COL21A1: variants seen among roughly 807,000 people sequenced by gnomAD.
COL21A1 encodes collagen alpha-1(XXI) chain.
In COL21A1, 149 loss-of-function variants were observed where a neutral mutation model predicts 137.9. That is an observed-to-expected ratio of 1.08 (90% CI 0.95 to 1.24). The LOEUF (loss-of-function observed/expected upper bound fraction) is 1.24. COL21A1 is among the 50% of genes most tolerant of loss of function. The pLI, the probability that COL21A1 is intolerant of heterozygous loss-of-function variation, is 0.00. For missense variants in COL21A1, 1,167 were observed against 1,158.4 expected, an observed-to-expected ratio of 1.01 and a Z score of -0.11; for synonymous variants, 456 against 391.5, an observed-to-expected ratio of 1.16 and a Z score of -1.95.
Position 56,333,148 on chromosome 6 carries a change from CAT to C in COL21A1, c.-39+60821_-39+60822del, listed in dbSNP as rs574538711. On this transcript the variant is annotated intron_variant, in intron 1 of 28. Coordinates refer to the COL21A1 transcript ENST00000370819. Reference sequence around the variant, plus strand: ...TATAACTGACATACAATAAACTACACATGTTTAAAGAATGCAATTTGATAAGT... The same window carrying C: ...TATAACTGACATACAATAAACTACACGTTTAAAGAATGCAATTTGATAAGT... Among the ~76,000 whole-genome samples, 534 of 152,140 alleles carry C rather than the reference CAT, an allele frequency of 3.5e-3. 5 individuals are homozygous for C. Among genetic ancestry groups the C allele is most frequent in the Admixed American group, 3.7e-3 (57 of 15,258 alleles).
rs528748886 is a variant in COL21A1, at chr6:56,382,092, G to C, written c.-39+11879C>G. On this transcript the variant is annotated intron_variant, in intron 1 of 28. Transcript: ENST00000370819. Reference sequence around the variant, plus strand: ...CAAGGGTTCGATTTTACCACCACTAGGGCAGTAAATAGGTCACGCCTGTCA... The same window carrying C: ...CAAGGGTTCGATTTTACCACCACTACGGCAGTAAATAGGTCACGCCTGTCA... Among the ~76,000 whole-genome samples the C allele has an allele frequency of 5.3e-5, 8 of 152,270 alleles. No individual in the cohort carries two copies. In the South Asian group the frequency reaches 1.7e-3, roughly 32 times the overall value.
chr6:56,337,658 A>AGAT (rs1426683773), intron 1 of COL21A1, among the ~76,000 whole-genome samples: 17 of 152,336 alleles, frequency 1.1e-4, no homozygotes, highest in African/African-American at 3.8e-4. Context: ...ATTCTAGTGA[A>AGAT]GATAAAATGG....
In COL21A1 at chr6:56,162,508, G is replaced by A. The variant is rs373048552; in HGVS notation, c.1371+1915C>T. On this transcript the variant is annotated intron_variant, in intron 9 of 29. Transcript: ENST00000244728. ...GTAGAAAGTACATGAGTAAAAATAG[G>A]TGACACTACAAGACATCTATTGGAC... 6.2e-4 allele frequency among the ~76,000 whole-genome samples: 95 copies of A among 152,258 alleles called. 1 individual carries two copies. In the South Asian group the frequency reaches 0.019, roughly 31 times the overall value.
intron 28 of COL21A1, 32 bp from the exon 29 acceptor site, chr6:56,059,274 C>T (rs529788496): frequency 7.1e-7 from 1 of 1,404,450 alleles, no homozygotes; most frequent in East Asian, 2.3e-5. Context: ...AGTAAGTTTA[C>T]TTAAAATCAC....
rs143972446 is a variant in COL21A1 at position 56,204,061 on chromosome 6, C to T, written c.-38-21405G>A. On this transcript the variant is annotated intron_variant, in intron 1 of 29. Coordinates refer to ENST00000244728, the MANE Select transcript of COL21A1 (RefSeq NM_030820.4). ...GGTGGCCGTTTGGGCAGATACCCCA[C>T]TAGCTGTGGAGTTTTTTTGTTTGTT... 3.6e-3 allele frequency among the ~76,000 whole-genome samples: 553 copies of T among 152,246 alleles called. 6 individuals are homozygous for T. The highest frequency in any genetic ancestry group is 0.013 in the African/African-American group (523 of 41,544).
intron 16 of COL21A1, among the ~76,000 whole-genome samples, chr6:56,113,443 A>G (rs1482501860): frequency 6.6e-6 from 1 of 151,294 alleles, no homozygotes; most frequent in African/African-American, 2.4e-5. Context: ...CATTTCTGAC[A>G]TTTCTAGACA....
chr6:56,142,694 A>G (rs762922632), intron 10 of COL21A1, among the ~76,000 whole-genome samples: 5 of 152,190 alleles, frequency 3.3e-5, no homozygotes, highest in Non-Finnish European at 5.9e-5. Context: ...GTAGGCTCTA[A>G]ACATTTATCT....
intron 18 of COL21A1, among the ~76,000 whole-genome samples, chr6:56,076,107 G>C (rs1373253972): frequency 6.6e-6 from 1 of 151,426 alleles, no homozygotes; most frequent in African/African-American, 2.4e-5. Context: ...CAGAAACCAT[G>C]CCAGAGACAG....
chr6:56,072,650 C>T (rs1766859164), intron 20 of COL21A1, among the ~76,000 whole-genome samples: 1 of 151,368 alleles, frequency 6.6e-6, no homozygotes. Context: ...CACCCCATAC[C>T]CATTTGATTA....
At chr6:56,240,291 A>G (rs1782211247) in intron 1 of COL21A1, among the ~76,000 whole-genome samples, 1 of 152,050 alleles carries the variant, frequency 6.6e-6, no homozygotes, top group Non-Finnish European at 1.5e-5. Flanking sequence ...TTAGTCTTCC[A>G]CCATGTGAGG....
chr6:56,309,032 A>T (rs1241202303), intron 1 of COL21A1, among the ~76,000 whole-genome samples: 1 of 148,444 alleles, frequency 6.7e-6, no homozygotes, highest in Non-Finnish European at 1.5e-5. Context: ...AATCACGCTC[A>T]GTCCTCAATT....
intron 1 of COL21A1, among the ~76,000 whole-genome samples, chr6:56,223,056 T>C (rs1277776753): frequency 1.4e-5 from 2 of 145,362 alleles, no homozygotes; most frequent in Admixed American, 6.9e-5. Context: ...AAAAAAAAAA[T>C]TGGAATCCCT....
chr6:56,206,032 C>G (rs536435254), intron 1 of COL21A1, among the ~76,000 whole-genome samples: 2 of 152,226 alleles, frequency 1.3e-5, no homozygotes, highest in South Asian at 2.1e-4. Flanking sequence ...CAAAAACAAA[C>G]CAAATTGTAA....
intron 1 of COL21A1, among the ~76,000 whole-genome samples, chr6:56,278,367 T>G (rs1763717020): frequency 6.6e-6 from 1 of 152,064 alleles, no homozygotes; most frequent in Non-Finnish European, 1.5e-5. Flanking sequence ...GAGCAAAAGG[T>G]TTGACAGTAG....
chr6:56,231,534 TA>T (rs1039467038), intron 1 of COL21A1, among the ~76,000 whole-genome samples: 2 of 151,854 alleles, frequency 1.3e-5, no homozygotes, highest in Non-Finnish European at 2.9e-5. Flanking sequence ...ATCTCCTCTG[TA>T]AAACCAGGGG....
chr6:56,082,196 A>G (rs1361087501), intron 17 of COL21A1, among the ~76,000 whole-genome samples: 1 of 151,964 alleles, frequency 6.6e-6, no homozygotes, highest in African/African-American at 2.4e-5. Context: ...AAGGGAAAGG[A>G]TTAAGAGATC....
At chr6:56,358,843 G>T (rs1398447861) in intron 1 of COL21A1, among the ~76,000 whole-genome samples, 1 of 151,996 alleles carries the variant, frequency 6.6e-6, no homozygotes, top group Non-Finnish European at 1.5e-5. Context: ...GCACGTTATG[G>T]TCAAATGGAT....
intron 1 of COL21A1, among the ~76,000 whole-genome samples, chr6:56,362,837 C>A (rs1292196750): frequency 6.6e-6 from 1 of 152,150 alleles, no homozygotes; most frequent in Non-Finnish European, 1.5e-5. Context: ...TGTTTGATCC[C>A]AGGTCCCGGG....
intron 1 of COL21A1, among the ~76,000 whole-genome samples, chr6:56,246,645 C>A (rs1782662112): frequency 6.6e-6 from 1 of 152,138 alleles, no homozygotes; most frequent in South Asian, 2.1e-4. Flanking sequence ...ACCTGGAGGG[C>A]TCATTAAAAC....
Sources: gnomAD v4.1 joint callset for allele counts (sites outside exome capture counted in the v4.1 genomes callset) on GRCh38, gnomAD v4.1.1 for gene constraint, MANE v1.5 for transcripts, NCBI Gene and HGNC (gene_info 2026-07-23, HGNC 2026-07-21) for gene names.